Variants in TSPAN9 observed in about 807,000 individuals in gnomAD.
TSPAN9 encodes the protein tetraspanin 9, also known as tetraspanin-9.
A neutral mutation model predicts 31.0 loss-of-function variants in TSPAN9; 16 were observed. That is an observed-to-expected ratio of 0.52 (90% confidence interval 0.35 to 0.78). The LOEUF (loss-of-function observed/expected upper bound fraction) is 0.78, where lower values mean the gene tolerates loss of function less well. Ranked by LOEUF, TSPAN9 falls within the 30% of genes least tolerant of loss-of-function variation. The pLI, the probability that TSPAN9 is intolerant of heterozygous loss-of-function variation, is 0.01. For missense variants in TSPAN9, 272 were observed against 312.5 expected, an observed-to-expected ratio of 0.87 and a Z score of 0.98; for synonymous variants, 145 against 121.6, an observed-to-expected ratio of 1.19 and a Z score of -1.27.
chr12:3,201,218 T>A lies in TSPAN9; in HGVS notation c.25T>A (p.Leu9Met). The change falls in exon 3 of 9, where the codon TTG becomes ATG. Residue 9 changes from leucine to methionine, a missense_variant. Physicochemically the swap from Leu to Met is conservative, Grantham distance 15. Transcript: ENST00000011898. ...CATGGCCAGGGGCTGCCTCTGCTGC[T>A]TGAAGTACATGATGTTCCTCTTCAA... Reference protein sequence around the residue: MARGCLCCLKYMMFLFNLI... With the variant: MARGCLCCMKYMMFLFNLI... 2 of 1,614,182 alleles carry A rather than the reference T, an allele frequency of 1.2e-6. No homozygotes were observed. The highest frequency in any genetic ancestry group is 1.7e-6 in the Non-Finnish European group (2 of 1,180,044).
At chr12:3,106,157 G>A (rs556551280) in intron 2 of TSPAN9, among the ~76,000 whole-genome samples, 4 of 152,346 alleles carry the variant, frequency 2.6e-5, no homozygotes, top group South Asian at 2.1e-4. Context: ...TGGTTAGTTC[G>A]CCTGTGCATA....
intron 3 of TSPAN9, among the ~76,000 whole-genome samples, chr12:3,257,800 T>G (rs1386952698): frequency 6.6e-6 from 1 of 152,080 alleles, no homozygotes; most frequent in African/African-American, 2.4e-5. Flanking sequence ...GGAGGCGACT[T>G]GTGCAGCAGG....
chr12:3,140,929 C>T (rs754552083), intron 2 of TSPAN9, among the ~76,000 whole-genome samples: 1 of 151,292 alleles, frequency 6.6e-6, no homozygotes, highest in African/African-American at 2.4e-5. Context: ...AGATTAAGGA[C>T]CAAGGGTGTT....
At chr12:3,102,435 A>ATTTTTTT (rs33918863) in intron 2 of TSPAN9, among the ~76,000 whole-genome samples, 1,852 of 135,202 alleles carry the variant, frequency 0.014, 56 homozygotes, top group African/African-American at 0.049. Flanking sequence ...CCAAGGAGGA[A>ATTTTTTT]TTTTTTTTTT....
intron 2 of TSPAN9, among the ~76,000 whole-genome samples, chr12:3,183,898 G>T (rs1394008582): frequency 1.3e-5 from 2 of 152,132 alleles, no homozygotes; most frequent in African/African-American, 4.8e-5. Flanking sequence ...TGACTTCCTA[G>T]GGCTTTTGTG....
At chr12:3,213,868 A>G (rs974998901) in intron 3 of TSPAN9, among the ~76,000 whole-genome samples, 131 of 152,280 alleles carry the variant, frequency 8.6e-4, no homozygotes, top group Non-Finnish European at 5.6e-4. Flanking sequence ...TGGCCACCCA[A>G]ACAGCCTGCG....
chr12:3,264,919 C>T (rs1388222448), intron 3 of TSPAN9, among the ~76,000 whole-genome samples: 3 of 152,208 alleles, frequency 2.0e-5, no homozygotes, highest in African/African-American at 4.8e-5. Flanking sequence ...CCGGGTCTAC[C>T]TGGACCCAAG....
At chr12:3,101,660 G>A (rs536397060) in intron 2 of TSPAN9, among the ~76,000 whole-genome samples, 14 of 152,274 alleles carry the variant, frequency 9.2e-5, no homozygotes, top group Middle Eastern at 3.4e-3. Context: ...ACCCCTGGGC[G>A]GTGTCTGTGC....
At chr12:3,141,320 G>C (rs1040962760) in intron 2 of TSPAN9, among the ~76,000 whole-genome samples, 5 of 152,136 alleles carry the variant, frequency 3.3e-5, no homozygotes, top group Non-Finnish European at 5.9e-5. Flanking sequence ...GAGCACACAG[G>C]GATCTTAACT....
intron 3 of TSPAN9, among the ~76,000 whole-genome samples, chr12:3,211,417 C>T (rs11062571): frequency 0.44 from 67,348 of 151,862 alleles, 15,575 homozygotes; most frequent in Admixed American, 0.55. Flanking sequence ...TTTCCTCTTA[C>T]GCTTTTTCAA....
At chr12:3,211,784 G>A (rs991502735) in intron 3 of TSPAN9, 21 of 1,596,932 alleles carry the variant, frequency 1.3e-5, no homozygotes, top group South Asian at 3.3e-5. Context: ...GCTAAAGACC[G>A]TGGTGATTTT....
intron 3 of TSPAN9, among the ~76,000 whole-genome samples, chr12:3,202,782 T>TC (rs1456463875): frequency 1.3e-5 from 2 of 152,166 alleles, no homozygotes; most frequent in East Asian, 3.9e-4. Flanking sequence ...GGTTGGGCCC[T>TC]CCAGCCACCC....
At chr12:3,112,658 C>T (rs2098319667) in intron 2 of TSPAN9, among the ~76,000 whole-genome samples, 1 of 142,464 alleles carries the variant, frequency 7.0e-6, no homozygotes, top group African/African-American at 2.6e-5. Context: ...TTTTTATTCT[C>T]AATCTCATTT....
At chr12:3,165,034 C>T (rs1437130558) in intron 2 of TSPAN9, among the ~76,000 whole-genome samples, 2 of 152,164 alleles carry the variant, frequency 1.3e-5, no homozygotes, top group African/African-American at 4.8e-5. Flanking sequence ...GTCTGGTGGC[C>T]TGGCCGTAGA....
At chr12:3,089,115 C>T (rs1313776898) in intron 2 of TSPAN9, among the ~76,000 whole-genome samples, 1 of 151,086 alleles carries the variant, frequency 6.6e-6, no homozygotes, top group Non-Finnish European at 1.5e-5. Flanking sequence ...GCCTGTAGTC[C>T]CAGCCACTCG....
intron 2 of TSPAN9, among the ~76,000 whole-genome samples, chr12:3,089,454 G>A (rs61919660): frequency 0.2 from 30,265 of 150,800 alleles, 3,575 homozygotes; most frequent in South Asian, 0.33. Context: ...GTGCCACCAC[G>A]CCTGGCTAAT....
In TSPAN9 at chr12:3,077,981, A is replaced by G. The variant is rs575011027; in HGVS notation, c.-85+528A>G. 4.6e-5 allele frequency among the ~76,000 whole-genome samples: 7 copies of G among 152,360 alleles called. No homozygotes were observed. The East Asian group carries it at 9.7e-4, about 21-fold the overall frequency. ...AGTTGGAGATCTAGCCCATCTGTGC[A>G]TTCAAGTTTGGGACTTCAAAAAACT... On this transcript the variant is annotated intron_variant, in intron 1 of 8. Coordinates refer to ENST00000011898, the MANE Select transcript of TSPAN9 (RefSeq NM_006675.5).
At chr12:3,221,807 C>A (rs1045497181) in intron 3 of TSPAN9, among the ~76,000 whole-genome samples, 2 of 152,162 alleles carry the variant, frequency 1.3e-5, no homozygotes, top group African/African-American at 4.8e-5. Context: ...AGGCATGTAC[C>A]ACCACGCCCA....
At chr12:3,103,546 G>GA (rs1370881639) in intron 2 of TSPAN9, among the ~76,000 whole-genome samples, 1 of 141,536 alleles carries the variant, frequency 7.1e-6, no homozygotes, top group African/African-American at 3.2e-5. Context: ...TGGCCTGGGG[G>GA]ATGCTGCTGG....
Sources: allele counts gnomAD v4.1 joint callset (sites outside exome capture counted in the v4.1 genomes callset), GRCh38; gene constraint gnomAD v4.1.1; transcripts MANE v1.5; gene names NCBI Gene and HGNC (gene_info 2026-07-23, HGNC 2026-07-21).